KIAA1549: variants seen among roughly 807,000 people sequenced by gnomAD.
KIAA1549 encodes UPF0606 protein KIAA1549.
Under a neutral mutation model 156.4 loss-of-function variants are expected in KIAA1549, and 70 were observed. The observed-to-expected ratio is 0.45, with a 90% CI of 0.37 to 0.55. The LOEUF is 0.55. KIAA1549 is among the 20% of genes least tolerant of loss of function. The pLI, the probability that KIAA1549 is intolerant of heterozygous loss-of-function variation, is 0.00. For synonymous variants in KIAA1549, 1,103 were observed against 1,066.4 expected, an observed-to-expected ratio of 1.03 and a Z score of -0.67; for missense variants, 2,428 against 2,540.9, an observed-to-expected ratio of 0.96 and a Z score of 0.96.
At chr7:138,844,588 C>G in intron 17 of KIAA1549, 114 bp from the exon 18 acceptor site, 1 of 972,802 alleles carries the variant, frequency 1.0e-6, no homozygotes, top group Non-Finnish European at 1.4e-6. Flanking sequence ...ACCTGCTTAG[C>G]CATCTCCTCT....
chr7:138,901,171 T>C (rs562263754), intron 8 of KIAA1549, among the ~76,000 whole-genome samples: 1 of 152,132 alleles, frequency 6.6e-6, no homozygotes, highest in South Asian at 2.1e-4. Context: ...ATGCAAAAAA[T>C]ATATATAAAG....
At chr7:138,970,821 T>A (rs1007077054) in intron 1 of KIAA1549, among the ~76,000 whole-genome samples, 1 of 152,188 alleles carries the variant, frequency 6.6e-6, no homozygotes, top group Non-Finnish European at 1.5e-5. Context: ...GGCTTCCCCC[T>A]TTGAAAGCTC....
At chr7:138,942,815 C>A (rs1056694284) in intron 1 of KIAA1549, among the ~76,000 whole-genome samples, 1 of 151,776 alleles carries the variant, frequency 6.6e-6, no homozygotes, top group South Asian at 2.1e-4. Context: ...GAGGCTGAGG[C>A]AGGAGAATCG....
At chr7:138,930,611 A>T (rs1812841889) in intron 1 of KIAA1549, among the ~76,000 whole-genome samples, 1 of 152,238 alleles carries the variant, frequency 6.6e-6, no homozygotes, top group Admixed American at 6.5e-5. Context: ...GTTAGCTTCA[A>T]ACTTTTCTTC....
intron 16 of KIAA1549, among the ~76,000 whole-genome samples, chr7:138,855,168 A>G (rs1382946469): frequency 6.6e-6 from 1 of 152,240 alleles, no homozygotes; most frequent in African/African-American, 2.4e-5. Flanking sequence ...AGAGACCAGC[A>G]GTGAACAAGT....
rs1288886424 is a variant in KIAA1549 at position 138,837,909 on chromosome 7, G to A, written c.5850C>T (p.Ser1950=). Residue 1950 remains serine (S), a synonymous_variant, in exon 20 of 20, where the codon AGC becomes AGT. Coordinates refer to ENST00000422774, the MANE Select transcript of KIAA1549 (RefSeq NM_001164665.2). ...CAAATCTGCGAGGCGAGGCCGATCA[G>A]CTGTGGAAGTTCTGCACGGTGCTCT... ...QKQSTVQNFH[S] is the part of the protein sequence containing the mutation. The A allele has an allele frequency of 1.2e-6, 2 of 1,613,506 alleles. No individual in the cohort carries two copies.
rs148726339 is a variant in KIAA1549 at position 138,882,047 on chromosome 7, G to A, written c.4033-463C>T. Reference sequence around the variant, plus strand: ...TAGATGGGTCAGAGCATAGGAGCACGAGAGAAAAGTCCAGTCCGTATATGG... The same window carrying A: ...TAGATGGGTCAGAGCATAGGAGCACAAGAGAAAAGTCCAGTCCGTATATGG... On this transcript the variant is annotated intron_variant, in intron 10 of 19. Coordinates refer to ENST00000422774, the MANE Select transcript of KIAA1549 (RefSeq NM_001164665.2). Among the ~76,000 whole-genome samples, 59 of 152,342 alleles carry A rather than the reference G, an allele frequency of 3.9e-4. No individual in the cohort carries two copies. The East Asian group carries it at 0.01, about 27-fold the overall frequency.
intron 4 of KIAA1549, among the ~76,000 whole-genome samples, chr7:138,910,483 C>T (rs1812137019): frequency 6.6e-6 from 1 of 151,222 alleles, no homozygotes; most frequent in Admixed American, 6.6e-5. Context: ...CTGCAGTCTC[C>T]ACCTCCTGGG....
At chr7:138,929,153 G>A (rs200922026) in intron 1 of KIAA1549, among the ~76,000 whole-genome samples, 2 of 152,148 alleles carry the variant, frequency 1.3e-5, no homozygotes, top group East Asian at 3.8e-4. Context: ...AGCCTGTGAT[G>A]CTGTTTGATA....
chr7:138,950,643 C>T (rs1404245766), intron 1 of KIAA1549, among the ~76,000 whole-genome samples: 1 of 152,220 alleles, frequency 6.6e-6, no homozygotes, highest in Non-Finnish European at 1.5e-5. Context: ...GCAAAAGGGA[C>T]GCATCTTCCA....
At chr7:138,844,511 T>C (rs770309068) in intron 17 of KIAA1549, 37 bp from the exon 18 acceptor site, 4 of 1,490,362 alleles carry the variant, frequency 2.7e-6, no homozygotes, top group East Asian at 4.8e-5. Flanking sequence ...AGGACTCCAC[T>C]GCACCCTGGC....
intron 1 of KIAA1549, among the ~76,000 whole-genome samples, chr7:138,966,391 G>A (rs979264194): frequency 2.0e-5 from 3 of 151,802 alleles, no homozygotes; most frequent in Non-Finnish European, 2.9e-5. Context: ...TAATAGGATA[G>A]CTATATATAT....
At chr7:138,903,262 T>C (rs1401077434) in intron 8 of KIAA1549, among the ~76,000 whole-genome samples, 1 of 152,188 alleles carries the variant, frequency 6.6e-6, no homozygotes, top group Non-Finnish European at 1.5e-5. Flanking sequence ...ACAGGCTACA[T>C]TTTTGTTAAT....
intron 4 of KIAA1549, among the ~76,000 whole-genome samples, chr7:138,909,430 T>A (rs944078722): frequency 2.6e-5 from 4 of 152,210 alleles, no homozygotes; most frequent in Non-Finnish European, 5.9e-5. Flanking sequence ...TCATTGTAGA[T>A]GAATTCTTGA....
chr7:138,966,375 C>A (rs562486095), intron 1 of KIAA1549, among the ~76,000 whole-genome samples: 1 of 151,884 alleles, frequency 6.6e-6, no homozygotes, highest in African/African-American at 2.4e-5. Flanking sequence ...TCTAGAGGGA[C>A]AGAACTAATA....
chr7:138,846,729 A>C (rs560626075), intron 17 of KIAA1549, among the ~76,000 whole-genome samples: 9 of 152,162 alleles, frequency 5.9e-5, no homozygotes, highest in Middle Eastern at 3.4e-3. Context: ...TGAGAACTTC[A>C]CCTTGAGAAC....
chr7:138,868,552 T>G (rs889403615), intron 14 of KIAA1549, among the ~76,000 whole-genome samples: 1 of 152,180 alleles, frequency 6.6e-6, no homozygotes, highest in African/African-American at 2.4e-5. Flanking sequence ...CTCAGCCTCC[T>G]GAGTAGCTGG....
chr7:138,869,493 C>T, intron 14 of KIAA1549, 45 bp downstream of exon 14: 1 of 1,471,596 alleles, frequency 6.8e-7, no homozygotes. Context: ...CCCCGCAGCA[C>T]CTCTGCGCGC....
intron 12 of KIAA1549, among the ~76,000 whole-genome samples, chr7:138,876,996 C>T (rs939976290): frequency 5.9e-5 from 9 of 152,134 alleles, no homozygotes; most frequent in African/African-American, 9.7e-5. Context: ...TGCCACATGA[C>T]CTGGGACAGT....
Sources: gnomAD v4.1 joint callset for allele counts (sites outside exome capture counted in the v4.1 genomes callset) on GRCh38, gnomAD v4.1.1 for gene constraint, MANE v1.5 for transcripts, NCBI Gene and HGNC (gene_info 2026-07-23, HGNC 2026-07-21) for gene names.